SLC20A2: variants seen among roughly 807,000 people sequenced by gnomAD.
The protein encoded by SLC20A2 is sodium-dependent phosphate transporter 2.
SLC20A2 carries 30 observed loss-of-function variants against 61.0 expected under a neutral mutation model. That is an observed-to-expected ratio of 0.49 (90% confidence interval 0.37 to 0.67). The LOEUF (loss-of-function observed/expected upper bound fraction) is 0.67. SLC20A2 is among the 30% of genes least tolerant of loss of function. SLC20A2 has a pLI of 0.00. For synonymous variants in SLC20A2, 351 were observed against 353.3 expected (o/e 0.99, Z 0.07); for missense variants, 626 against 866.4 (o/e 0.72, Z 3.48).
At chr8:42,490,526 GGCGGAGGTTGCAGTGA>G (rs1271558573) in intron 1 of SLC20A2, among the ~76,000 whole-genome samples, 1 of 152,158 alleles carries the variant, frequency 6.6e-6, no homozygotes, top group Non-Finnish European at 1.5e-5. Context: ...GAACCCAGGA[GGCGGAGGTTGCAGTGA>G]GCCAAGATCC....
intron 9 of SLC20A2, among the ~76,000 whole-genome samples, chr8:42,429,758 T>A (rs11993075): frequency 3.9e-5 from 6 of 152,016 alleles, no homozygotes; most frequent in African/African-American, 1.5e-4. Context: ...CCCACCTGCC[T>A]TTGGCCCCCG....
intron 2 of SLC20A2, among the ~76,000 whole-genome samples, chr8:42,467,751 A>G (rs1057310497): frequency 1.3e-5 from 2 of 152,112 alleles, no homozygotes; most frequent in African/African-American, 4.8e-5. Context: ...TGCCAAACCC[A>G]TATCAGGCTC....
At chr8:42,426,811 C>T (rs1347724116) in intron 10 of SLC20A2, among the ~76,000 whole-genome samples, 1 of 152,188 alleles carries the variant, frequency 6.6e-6, no homozygotes, top group African/African-American at 2.4e-5. Flanking sequence ...GATGGCATTA[C>T]ATCTGTTTAA....
At chr8:42,476,335 C>A (rs1165192528) in intron 1 of SLC20A2, among the ~76,000 whole-genome samples, 1 of 151,832 alleles carries the variant, frequency 6.6e-6, no homozygotes, top group African/African-American at 2.4e-5. Flanking sequence ...AATCTGCTGA[C>A]CTCGTGATCC....
rs977234305 is a variant in SLC20A2, at chr8:42,437,863, C to G, written c.935-286G>C. The stretch of plus-strand genomic sequence containing the variant: ...GCTCCTAACCTCATGATCCGCCCAC[C>G]TTGGCCTCCTAAAGTGCTCGGATTA... On this transcript the variant is annotated intron_variant, in intron 7 of 10. Coordinates refer to ENST00000520262, the MANE Select transcript of SLC20A2 (RefSeq NM_001257180.2). The surrounding 1 kb of genome is among the most constrained non-coding windows in gnomAD (Gnocchi z 6.4). 4.0e-5 allele frequency among the ~76,000 whole-genome samples: 6 copies of G among 151,670 alleles called. No individual in the cohort carries two copies. The highest frequency in any genetic ancestry group is 1.5e-4 in the African/African-American group (6 of 41,342).
intron 5 of SLC20A2, among the ~76,000 whole-genome samples, chr8:42,456,963 G>A (rs999409799): frequency 8.6e-5 from 13 of 151,796 alleles, no homozygotes; most frequent in African/African-American, 2.7e-4. Flanking sequence ...TTGCTCTGTC[G>A]ACGAGGCTGG....
rs1466210885 is a variant in SLC20A2 at position 42,521,833 on chromosome 8, G to A, written c.-265+19988C>T. ...TGGTAGTGGTAACACAAATCTACAC[G>A]TGATCAAATTGTACAGAACTATGGA... On this transcript the variant is annotated intron_variant, in intron 1 of 10. Coordinates refer to the SLC20A2 transcript ENST00000342228. Among the ~76,000 whole-genome samples the A allele has an allele frequency of 5.0e-5, 6 of 120,732 alleles. 2 individuals are homozygous for A. The highest frequency in any genetic ancestry group is 1.2e-4 in the Non-Finnish European group (6 of 50,392). 79.2% of individuals were successfully genotyped at this position (120,732 alleles called of 152,430 possible).
intron 4 of SLC20A2, among the ~76,000 whole-genome samples, chr8:42,462,441 C>A (rs1806785910): frequency 6.6e-6 from 1 of 152,116 alleles, no homozygotes; most frequent in Admixed American, 6.5e-5. Context: ...CCTGTGACTG[C>A]CAAACAAAAG....
At chr8:42,529,550 T>C (rs1296977382) in intron 1 of SLC20A2, among the ~76,000 whole-genome samples, 1 of 152,126 alleles carries the variant, frequency 6.6e-6, no homozygotes, top group Non-Finnish European at 1.5e-5. Context: ...CAAGAAAAAC[T>C]AAACACTGTC....
intron 1 of SLC20A2, among the ~76,000 whole-genome samples, chr8:42,537,044 C>G (rs921594457): frequency 6.6e-6 from 1 of 151,170 alleles, no homozygotes; most frequent in African/African-American, 2.4e-5. Context: ...TGCTGCACTC[C>G]GGCCTGGGCA....
intron 1 of SLC20A2, among the ~76,000 whole-genome samples, chr8:42,540,710 C>A (rs1475883975): frequency 1.3e-5 from 2 of 152,166 alleles, no homozygotes; most frequent in Non-Finnish European, 2.9e-5. Flanking sequence ...GTCAGCTGGT[C>A]CTAGAGAACT....
chr8:42,522,693 A>C lies in SLC20A2; in HGVS notation c.-265+19128T>G, dbSNP rs1181090553. ...AGGACTCCATCTCAAAAAAAAAGGTATTATTGTAGCAAAAAGGTTTCTTTT... is the reference window on the plus strand; with the variant it reads ...AGGACTCCATCTCAAAAAAAAAGGTCTTATTGTAGCAAAAAGGTTTCTTTT... On this transcript the variant is annotated intron_variant, in intron 1 of 10. Transcript: ENST00000342228. 5.4e-5 allele frequency among the ~76,000 whole-genome samples: 4 copies of C among 74,712 alleles called. 1 individual carries two copies. The highest frequency in any genetic ancestry group is 1.6e-4 in the Non-Finnish European group (4 of 25,418). The allele number at this position is 74,712 out of a possible 152,430, so 49.0% of individuals were successfully genotyped here.
intron 10 of SLC20A2, among the ~76,000 whole-genome samples, chr8:42,421,994 C>T (rs533662786): frequency 9.9e-5 from 15 of 152,230 alleles, no homozygotes; most frequent in South Asian, 8.3e-4. Flanking sequence ...TGCCCTGTCA[C>T]GAAGGGAGCC....
chr8:42,424,483 T>C (rs1803261553), intron 10 of SLC20A2, among the ~76,000 whole-genome samples: 1 of 152,150 alleles, frequency 6.6e-6, no homozygotes, highest in African/African-American at 2.4e-5. Context: ...ACCTGGCCAA[T>C]TAAGGCTTTT....
intron 10 of SLC20A2, among the ~76,000 whole-genome samples, chr8:42,428,449 C>T (rs537562617): frequency 1.3e-5 from 2 of 152,238 alleles, no homozygotes; most frequent in African/African-American, 2.4e-5. Context: ...GTATGCCCAG[C>T]GCACACAGGA....
chr8:42,508,262 T>C (rs560528559), intron 1 of SLC20A2, among the ~76,000 whole-genome samples: 6 of 152,254 alleles, frequency 3.9e-5, no homozygotes, highest in Non-Finnish European at 8.8e-5. Flanking sequence ...GAAGATCGCC[T>C]GAGGCCAGGA....
In SLC20A2 at chr8:42,417,965, C is replaced by T; in HGVS notation, c.1797G>A (p.Val599=). ...TCCAGCCCACGGCCACCACCGAGCC[C>T]ACCTGTGGGAGCAGACATTGCAAAG... ...GLPVSTTHCK[V]GSVVAVGWIR... is the part of the protein sequence containing the mutation. Residue 599 remains valine (V), a splice_region_variant and synonymous_variant, in exon 11 of 11, where the codon GTG becomes GTA. Transcript: ENST00000520262. 6.2e-7 allele frequency: 1 copy of T among 1,613,066 alleles called. No homozygotes were observed.
chr8:42,503,898 C>T (rs542840175), upstream of SLC20A2, among the ~76,000 whole-genome samples: 16 of 152,284 alleles, frequency 1.1e-4, no homozygotes, highest in East Asian at 5.8e-4. Flanking sequence ...GGATGAAAAA[C>T]GCCTAGTTTT....
intron 8 of SLC20A2, among the ~76,000 whole-genome samples, chr8:42,435,980 G>A (rs1786266987): frequency 6.6e-6 from 1 of 152,076 alleles, no homozygotes; most frequent in African/African-American, 2.4e-5. Flanking sequence ...GCCGGGCCAG[G>A]TTGGGGAGCC....
Sources: allele counts gnomAD v4.1 joint callset (sites outside exome capture counted in the v4.1 genomes callset), GRCh38; gene constraint gnomAD v4.1.1; non-coding constraint Gnocchi (gnomAD v3.1); transcripts MANE v1.5; gene names NCBI Gene and HGNC (gene_info 2026-07-23, HGNC 2026-07-21).